BMERB1: variants seen among roughly 807,000 people sequenced by gnomAD.
The protein encoded by BMERB1 is bMERB domain-containing protein 1.
In BMERB1, 12 loss-of-function variants were observed where a neutral mutation model predicts 23.6. That is an observed-to-expected ratio of 0.51 (90% CI 0.33 to 0.82). The LOEUF (loss-of-function observed/expected upper bound fraction) is 0.82. Among genes scored for constraint, BMERB1 ranks in the 40% least tolerant of loss-of-function variants. The probability of loss-of-function intolerance (pLI) is 0.03; values close to 1 mark genes in which losing one functional copy is unlikely to be tolerated. For synonymous variants in BMERB1, 122 were observed against 96.6 expected (o/e 1.26, Z -1.54); for missense variants, 247 against 255.4 (o/e 0.97, Z 0.22).
At chr16:15,442,756 T>C (rs747126184) in intron 1 of BMERB1, among the ~76,000 whole-genome samples, 1 of 152,196 alleles carries the variant, frequency 6.6e-6, no homozygotes, top group Non-Finnish European at 1.5e-5. Flanking sequence ...TTAAGAAACT[T>C]GCTGAAAGGC....
At chr16:15,572,118 T>C (rs2030744162) in intron 3 of BMERB1, among the ~76,000 whole-genome samples, 1 of 152,214 alleles carries the variant, frequency 6.6e-6, no homozygotes, top group Non-Finnish European at 1.5e-5. Flanking sequence ...CTTTAGTAAT[T>C]AGAGTGCAGC....
chr16:15,523,217 C>T (rs1192123202), intron 2 of BMERB1, among the ~76,000 whole-genome samples: 1 of 152,192 alleles, frequency 6.6e-6, no homozygotes, highest in Non-Finnish European at 1.5e-5. Flanking sequence ...CCAGCGTGTT[C>T]CTCTTGACGT....
chr16:15,464,025 A>G (rs1397601232), intron 1 of BMERB1, among the ~76,000 whole-genome samples: 1 of 152,120 alleles, frequency 6.6e-6, no homozygotes, highest in Non-Finnish European at 1.5e-5. Flanking sequence ...AGAAGTAAAG[A>G]ATCAAGGCCG....
intron 1 of BMERB1, among the ~76,000 whole-genome samples, chr16:15,439,276 A>G (rs1324904150): frequency 1.3e-5 from 2 of 152,202 alleles, no homozygotes; most frequent in Non-Finnish European, 2.9e-5. Flanking sequence ...AAATTGCTCA[A>G]GGTCTCTGTG....
At chr16:15,569,148 G>A (rs190464448) in intron 3 of BMERB1, among the ~76,000 whole-genome samples, 12 of 152,206 alleles carry the variant, frequency 7.9e-5, no homozygotes, top group Non-Finnish European at 1.3e-4. Flanking sequence ...CCCAGGAGGT[G>A]GAGGTTGCAG....
chr16:15,441,163 G>A (rs2050935974), intron 1 of BMERB1, among the ~76,000 whole-genome samples: 1 of 152,164 alleles, frequency 6.6e-6, no homozygotes, highest in Non-Finnish European at 1.5e-5. Flanking sequence ...TATTCTCATT[G>A]CAGGAGAAAC....
At chr16:15,482,023 G>A (rs1464263780) in intron 1 of BMERB1, among the ~76,000 whole-genome samples, 4 of 151,998 alleles carry the variant, frequency 2.6e-5, no homozygotes, top group Non-Finnish European at 4.4e-5. Context: ...GAGCCACCGC[G>A]CCTGGCCTGC....
chr16:15,547,839 G>A (rs190400353), intron 2 of BMERB1, among the ~76,000 whole-genome samples: 22 of 152,274 alleles, frequency 1.4e-4, no homozygotes, highest in African/African-American at 5.3e-4. Context: ...TGATTCCGAT[G>A]GAGCCACTTA....
At chr16:15,495,452 G>T (rs905965715) in intron 1 of BMERB1, among the ~76,000 whole-genome samples, 1 of 151,778 alleles carries the variant, frequency 6.6e-6, no homozygotes, top group African/African-American at 2.4e-5. Context: ...TACAAGCTCC[G>T]CCTCCCGGGT....
chr16:15,504,679 A>G (rs574766454), intron 1 of BMERB1, among the ~76,000 whole-genome samples: 2 of 151,930 alleles, frequency 1.3e-5, no homozygotes, highest in East Asian at 3.9e-4. Flanking sequence ...TCTTAAACTC[A>G]TGGCTTCAAG....
intron 1 of BMERB1, among the ~76,000 whole-genome samples, chr16:15,482,456 C>T (rs1480214850): frequency 6.6e-6 from 1 of 152,104 alleles, no homozygotes; most frequent in Non-Finnish European, 1.5e-5. Context: ...GGCTCTGAAT[C>T]CTGCATTGAT....
At chr16:15,471,256 T>G (rs1264973398) in intron 1 of BMERB1, among the ~76,000 whole-genome samples, 2 of 152,280 alleles carry the variant, frequency 1.3e-5, no homozygotes, top group East Asian at 3.9e-4. Flanking sequence ...GGCCTATGGA[T>G]GTCCAATTTG....
chr16:15,549,403 G>A (rs1043022097), intron 2 of BMERB1, among the ~76,000 whole-genome samples: 47 of 151,740 alleles, frequency 3.1e-4, no homozygotes, highest in African/African-American at 1.1e-3. Flanking sequence ...AAACAGGGCC[G>A]GGTGCGGTGG....
rs989561827 is a variant in BMERB1, at chr16:15,506,875, C to G, written c.107-8430C>G. Among the ~76,000 whole-genome samples, 17 of 152,202 alleles carry G rather than the reference C, an allele frequency of 1.1e-4. 1 individual carries two copies. The highest frequency in any genetic ancestry group is 4.6e-4 in the Admixed American group (7 of 15,272). The stretch of plus-strand genomic sequence containing the variant: ...ACTCATTGCCTCAGTGATTGGCTTT[C>G]TGTGCAGCGAGTAGCAGGATCTAGA... On this transcript the variant is annotated intron_variant, in intron 1 of 5. Transcript: ENST00000300006.
At chr16:15,512,239 C>T (rs943836337) in intron 1 of BMERB1, among the ~76,000 whole-genome samples, 3 of 152,110 alleles carry the variant, frequency 2.0e-5, no homozygotes, top group Non-Finnish European at 2.9e-5. Flanking sequence ...GAGAATCCAA[C>T]GTCTGCTGAA....
intron 1 of BMERB1, among the ~76,000 whole-genome samples, chr16:15,512,570 CCT>C (rs1275803120): frequency 6.6e-6 from 1 of 151,710 alleles, no homozygotes; most frequent in Non-Finnish European, 1.5e-5. Context: ...CATAGCGAGA[CCT>C]CATCTCTACA....
At chr16:15,476,199 G>A in intron 1 of BMERB1, among the ~76,000 whole-genome samples, 1 of 120,630 alleles carries the variant, frequency 8.3e-6, no homozygotes, top group Admixed American at 1.1e-4. Context: ...GTCTCACTCT[G>A]TTGCCCAAGC....
At chr16:15,484,347 C>T (rs981017880) in intron 1 of BMERB1, among the ~76,000 whole-genome samples, 7 of 152,142 alleles carry the variant, frequency 4.6e-5, no homozygotes, top group Non-Finnish European at 1.0e-4. Flanking sequence ...GCTTCAGTGA[C>T]ACTCCTTTTG....
chr16:15,533,336 C>G (rs961545304), intron 2 of BMERB1, among the ~76,000 whole-genome samples: 1 of 151,440 alleles, frequency 6.6e-6, no homozygotes, highest in African/African-American at 2.4e-5. Flanking sequence ...CAAGGGGCAC[C>G]TAAGATTTGT....
Sources: allele counts gnomAD v4.1 joint callset (sites outside exome capture counted in the v4.1 genomes callset), GRCh38; gene constraint gnomAD v4.1.1; transcripts MANE v1.5; gene names NCBI Gene and HGNC (gene_info 2026-07-23, HGNC 2026-07-21).